ADAMTS18: variants seen among roughly 807,000 people sequenced by gnomAD.
ADAMTS18 encodes ADAM metallopeptidase with thrombospondin type 1 motif 18, also known as A disintegrin and metalloproteinase with thrombospondin motifs 18.
A neutral mutation model predicts 165.9 loss-of-function variants in ADAMTS18; 157 were observed. That is an observed-to-expected ratio of 0.95 (90% CI 0.83 to 1.08). The LOEUF (loss-of-function observed/expected upper bound fraction) is 1.08, where lower values mean the gene tolerates loss of function less well. Among genes scored for constraint, ADAMTS18 ranks in the 50% least tolerant of loss-of-function variants. ADAMTS18 has a pLI of 0.00. For synonymous variants in ADAMTS18, 782 were observed against 578.2 expected (o/e 1.35, Z -5.06); for missense variants, 2,040 against 1,534.0 (o/e 1.33, Z -5.51).
chr16:77,403,097 A>C (rs1567543547), intron 3 of ADAMTS18, among the ~76,000 whole-genome samples: 1 of 152,200 alleles, frequency 6.6e-6, no homozygotes, highest in Non-Finnish European at 1.5e-5. Flanking sequence ...TTTCATACTC[A>C]CTATAACGAT....
Position 77,282,758 on chromosome 16 carries a change from C to T in ADAMTS18, c.*1198G>A, listed in dbSNP as rs2055169778. 1 of 152,490 alleles carries T rather than the reference C, an allele frequency of 6.6e-6. No homozygotes were observed. The highest frequency in any genetic ancestry group is 1.5e-5 in the Non-Finnish European group (1 of 68,002). 9.4% of individuals were successfully genotyped at this position (152,490 alleles called of 1,614,324 possible). A position where few individuals can be genotyped will look rare whatever the true frequency, so the allele number is the denominator to read the frequency against. ...TTTTTCAATTGAGAACAATTTTAAA[C>T]TCATTAATGCCTACCAACAGCTGGC... is the stretch of plus-strand genomic sequence containing the variant. On this transcript the variant is annotated 3_prime_UTR_variant, in exon 23 of 23. Coordinates refer to ENST00000282849, the MANE Select transcript of ADAMTS18 (RefSeq NM_199355.4).
At chr16:77,332,934 C>G (rs2056214162) in intron 12 of ADAMTS18, among the ~76,000 whole-genome samples, 1 of 152,166 alleles carries the variant, frequency 6.6e-6, no homozygotes, top group Non-Finnish European at 1.5e-5. Context: ...CTTGAAAAGT[C>G]AGGCAGATCT....
chr16:77,426,328 G>A (rs1231312364), intron 3 of ADAMTS18, among the ~76,000 whole-genome samples: 1 of 151,938 alleles, frequency 6.6e-6, no homozygotes, highest in Admixed American at 6.6e-5. Context: ...CCACCAAACT[G>A]TGAAGAGATG....
At chr16:77,380,999 G>A (rs568504639) in intron 3 of ADAMTS18, among the ~76,000 whole-genome samples, 51 of 152,106 alleles carry the variant, frequency 3.4e-4, no homozygotes, top group African/African-American at 1.2e-3. Flanking sequence ...CTCCGCCTCC[G>A]GAGTAGCTGG....
At chr16:77,291,222 A>C (rs1379469484) in intron 21 of ADAMTS18, 44 bp downstream of exon 21, 1 of 1,606,374 alleles carries the variant, frequency 6.2e-7, no homozygotes, top group African/African-American at 1.3e-5. Context: ...TCATTTTTCG[A>C]CATCTCACTT....
intron 3 of ADAMTS18, among the ~76,000 whole-genome samples, chr16:77,412,386 C>T (rs1158897854): frequency 6.6e-6 from 1 of 151,996 alleles, no homozygotes; most frequent in Non-Finnish European, 1.5e-5. Context: ...AGTACAGTGG[C>T]ACTATCATAC....
At chr16:77,353,966 T>C in intron 9 of ADAMTS18, 80 bp from the exon 10 acceptor site, 5 of 1,544,380 alleles carry the variant, frequency 3.2e-6, no homozygotes, top group East Asian at 2.2e-5. Context: ...TCTGAATGCA[T>C]TCATGCAAAG....
At chr16:77,304,387 G>A (rs1853604144) in intron 16 of ADAMTS18, among the ~76,000 whole-genome samples, 1 of 152,156 alleles carries the variant, frequency 6.6e-6, no homozygotes, top group Admixed American at 6.5e-5. Flanking sequence ...CTTGAGCTCA[G>A]GAGTTGGAAG....
At chr16:77,292,947 G>A in intron 20 of ADAMTS18, 129 bp downstream of exon 20, 1 of 1,110,410 alleles carries the variant, frequency 9.0e-7, no homozygotes, top group South Asian at 1.4e-5. Context: ...AGCCTCCCCA[G>A]TAGATCAGAC....
chr16:77,373,437 C>T (rs566181279), intron 3 of ADAMTS18, among the ~76,000 whole-genome samples: 10 of 143,546 alleles, frequency 7.0e-5, no homozygotes, highest in East Asian at 2.0e-4. Context: ...CCAGCCTGGG[C>T]GGCAGGGCAA....
Position 77,400,690 on chromosome 16 carries a change from C to T in ADAMTS18, c.495+30605G>A, listed in dbSNP as rs1423991752. ...TAGAGACAGGGTTTCACCGTGGTCTCGATCTCCTGACCTCGTGATCCGCCT... is the reference window on the plus strand; with the variant it reads ...TAGAGACAGGGTTTCACCGTGGTCTTGATCTCCTGACCTCGTGATCCGCCT... On this transcript the variant is annotated intron_variant, in intron 3 of 22. Transcript: ENST00000282849. 3.3e-5 allele frequency among the ~76,000 whole-genome samples: 5 copies of T among 151,604 alleles called. No individual in the cohort carries two copies. In the East Asian group the frequency reaches 5.9e-4, roughly 18 times the overall value.
rs566307509 is a variant in ADAMTS18 at position 77,356,240 on chromosome 16, A to C, written c.1323-163T>G. Among the ~76,000 whole-genome samples, 73 of 152,334 alleles carry C rather than the reference A, an allele frequency of 4.8e-4. 1 individual carries two copies. Among genetic ancestry groups the C allele is most frequent in the African/African-American group, 1.6e-3 (66 of 41,568 alleles). ...GGCAAATTACTATAGATTGTTATAA[A>C]ATTCACACAGAAAACTTTAAAAATG... On this transcript the variant is annotated intron_variant, in intron 8 of 22. Coordinates refer to ENST00000282849, the MANE Select transcript of ADAMTS18 (RefSeq NM_199355.4).
intron 7 of ADAMTS18, among the ~76,000 whole-genome samples, chr16:77,360,242 C>G (rs1358963868): frequency 6.6e-6 from 1 of 152,144 alleles, no homozygotes; most frequent in Non-Finnish European, 1.5e-5. Context: ...TTACTACCAT[C>G]GTCATCGTCA....
chr16:77,368,023 C>G (rs989548136), intron 3 of ADAMTS18, among the ~76,000 whole-genome samples: 2 of 152,204 alleles, frequency 1.3e-5, no homozygotes, highest in Middle Eastern at 3.4e-3. Context: ...ACTACAGGCA[C>G]GTGCTACCAC....
At chr16:77,320,962 C>T in intron 15 of ADAMTS18, 117 bp downstream of exon 15, 2 of 1,274,382 alleles carry the variant, frequency 1.6e-6, no homozygotes, top group South Asian at 2.4e-5. Flanking sequence ...AAAATGCCAC[C>T]ATCACTAGTG....
intron 3 of ADAMTS18, among the ~76,000 whole-genome samples, chr16:77,428,985 G>A (rs2057706427): frequency 6.6e-6 from 1 of 152,166 alleles, no homozygotes; most frequent in Admixed American, 6.5e-5. Flanking sequence ...GCCCCAAACT[G>A]CTGGTGGGGG....
chr16:77,322,438 CT>C lies in ADAMTS18; in HGVS notation c.2060del (p.Lys687ArgfsTer15). On this transcript the variant is annotated frameshift_variant, in exon 14 of 23. Coordinates refer to ENST00000282849, the MANE Select transcript of ADAMTS18 (RefSeq NM_199355.4). LOFTEE classifies it high-confidence loss of function. The stretch of plus-strand genomic sequence containing the variant: ...CAAAAAAAAATTCAAAGTTCTCAGC[CT>C]TGCAGTACAGTTTGCATCGATCTTC... ...EEEDRCKLYC[K>X]AENFEFFFAM... The C allele has an allele frequency of 6.2e-7, 1 of 1,614,068 alleles. No individual in the cohort carries two copies. The highest frequency in any genetic ancestry group is 8.5e-7 in the Non-Finnish European group (1 of 1,179,980).
Position 77,434,697 on chromosome 16 carries a change from G to C in ADAMTS18, c.-2C>G. On this transcript the variant is annotated 5_prime_UTR_variant, in exon 1 of 23. Coordinates refer to ENST00000282849, the MANE Select transcript of ADAMTS18 (RefSeq NM_199355.4). ...CGCGAGCAGGAGGGCGCACTCCATG[G>C]TCAGGTGCGGACGCGGCGGCTGCGG... 1.4e-6 allele frequency: 2 copies of C among 1,458,592 alleles called. No homozygotes were observed. The highest frequency in any genetic ancestry group is 9.0e-7 in the Non-Finnish European group (1 of 1,109,834). 90.4% of individuals were successfully genotyped at this position (1,458,592 alleles called of 1,614,324 possible). A position where few individuals can be genotyped will look rare whatever the true frequency, so the allele number is the denominator to read the frequency against.
chr16:77,343,986 C>T (rs1478368733), intron 10 of ADAMTS18, among the ~76,000 whole-genome samples: 1 of 151,656 alleles, frequency 6.6e-6, no homozygotes, highest in African/African-American at 2.4e-5. Flanking sequence ...ATTCCCCAAA[C>T]ACTCCATTTC....
Sources: allele counts gnomAD v4.1 joint callset (sites outside exome capture counted in the v4.1 genomes callset), GRCh38; gene constraint gnomAD v4.1.1; transcripts MANE v1.5; gene names NCBI Gene and HGNC (gene_info 2026-07-23, HGNC 2026-07-21).